NBEA: variants seen among roughly 807,000 people sequenced by gnomAD.
NBEA encodes neurobeachin, also known as lysosomal-trafficking regulator 2.
In NBEA, 44 loss-of-function variants were observed where a neutral mutation model predicts 343.4. The observed-to-expected ratio is 0.13, with a 90% CI of 0.10 to 0.16. NBEA has a LOEUF of 0.16. Among genes scored for constraint, NBEA ranks in the 10% least tolerant of loss-of-function variants. The pLI is 1.00. For missense variants in NBEA, 2,555 were observed against 3,631.3 expected (o/e 0.70, Z 7.62); for synonymous variants, 1,175 against 1,238.7 (o/e 0.95, Z 1.08).
intron 8 of NBEA, among the ~76,000 whole-genome samples, chr13:35,064,961 C>A (rs746012690): frequency 6.6e-6 from 1 of 150,648 alleles, no homozygotes; most frequent in East Asian, 2.0e-4. Flanking sequence ...GCAGACCCAG[C>A]AAGCTAATAC....
At chr13:35,300,314 ACT>A (rs1043133240) in intron 35 of NBEA, among the ~76,000 whole-genome samples, 1 of 152,100 alleles carries the variant, frequency 6.6e-6, no homozygotes, top group Admixed American at 6.6e-5. Context: ...ACAAAGCGAG[ACT>A]CTGTCTCAAA....
intron 1 of NBEA, among the ~76,000 whole-genome samples, chr13:34,967,832 A>G (rs2059873717): frequency 2.0e-5 from 3 of 152,092 alleles, no homozygotes; most frequent in African/African-American, 7.2e-5. Flanking sequence ...TTCAATCCTG[A>G]TACTACATAG....
chr13:35,599,349 C>T (rs765693281), intron 47 of NBEA, among the ~76,000 whole-genome samples: 2 of 152,154 alleles, frequency 1.3e-5, no homozygotes, highest in South Asian at 4.1e-4. Context: ...ATTTATTCAT[C>T]GACAATTATG....
chr13:35,587,436 C>T (rs1022996116), intron 46 of NBEA, among the ~76,000 whole-genome samples: 8 of 152,152 alleles, frequency 5.3e-5, no homozygotes, highest in Non-Finnish European at 8.8e-5. Context: ...CCTCAGGTCC[C>T]GTCAATGACA....
chr13:35,374,169 A>G lies in NBEA; in HGVS notation c.6179+21846A>G, dbSNP rs192328710. On this transcript the variant is annotated intron_variant, in intron 38 of 58. Coordinates refer to ENST00000379939, the MANE Select transcript of NBEA (RefSeq NM_001385012.1). ...TTTTTCACTGGAACAGTTAGATGCCATTAGTTGGGGTTATTAATTGGCCTG... is the reference window on the plus strand; with the variant it reads ...TTTTTCACTGGAACAGTTAGATGCCGTTAGTTGGGGTTATTAATTGGCCTG... 1.9e-3 allele frequency among the ~76,000 whole-genome samples: 290 copies of G among 151,730 alleles called. 1 individual carries two copies. The highest frequency in any genetic ancestry group is 5.6e-3 in the Admixed American group (86 of 15,268).
chr13:35,138,583 C>T (rs2067878893), intron 17 of NBEA, among the ~76,000 whole-genome samples: 2 of 151,826 alleles, frequency 1.3e-5, no homozygotes, highest in Admixed American at 6.6e-5. Context: ...CCTTGGCCTC[C>T]AGAGTAGCTG....
At chr13:35,301,530 A>T (rs1184245294) in intron 35 of NBEA, among the ~76,000 whole-genome samples, 1 of 152,102 alleles carries the variant, frequency 6.6e-6, no homozygotes, top group Non-Finnish European at 1.5e-5. Context: ...GTTCTTTTTT[A>T]TGGCTGCATA....
intron 11 of NBEA, among the ~76,000 whole-genome samples, chr13:35,109,033 A>G (rs1382347173): frequency 6.6e-6 from 1 of 152,126 alleles, no homozygotes; most frequent in Non-Finnish European, 1.5e-5. Context: ...TCTTTAGCTA[A>G]TAGTAGAATT....
intron 40 of NBEA, 68 bp from the exon 41 acceptor site, chr13:35,472,332 A>T: frequency 1.9e-6 from 3 of 1,540,992 alleles, no homozygotes; most frequent in South Asian, 2.4e-5. Context: ...AACCTCTGGT[A>T]CCTTTCTGGG....
intron 18 of NBEA, among the ~76,000 whole-genome samples, chr13:35,149,749 TAG>T (rs927447942): frequency 6.6e-6 from 1 of 152,206 alleles, no homozygotes; most frequent in African/African-American, 2.4e-5. Context: ...TTATCCATAA[TAG>T]AGAGTCTGAG....
At chr13:35,073,465 G>A (rs552441830) in intron 10 of NBEA, among the ~76,000 whole-genome samples, 2 of 152,188 alleles carry the variant, frequency 1.3e-5, no homozygotes, top group Admixed American at 6.5e-5. Flanking sequence ...TCAAATATAA[G>A]TTACTTCTTT....
intron 38 of NBEA, among the ~76,000 whole-genome samples, chr13:35,366,892 G>A (rs2041151646): frequency 6.6e-6 from 1 of 151,254 alleles, no homozygotes; most frequent in African/African-American, 2.4e-5. Context: ...TAAATACTAT[G>A]AGTACTCCCA....
intron 33 of NBEA, among the ~76,000 whole-genome samples, chr13:35,225,682 A>C (rs183521515): frequency 7.9e-5 from 12 of 152,216 alleles, no homozygotes; most frequent in Admixed American, 6.5e-4. Context: ...TTTATTTAAA[A>C]AATTTAGCTG....
At chr13:35,610,042 T>C (rs2153053944) in intron 48 of NBEA, among the ~76,000 whole-genome samples, 1 of 152,356 alleles carries the variant, frequency 6.6e-6, no homozygotes, top group African/African-American at 2.4e-5. Context: ...GCCTCCAGAT[T>C]CGTCCACTGA....
At chr13:35,276,767 C>T (rs985240414) in intron 34 of NBEA, among the ~76,000 whole-genome samples, 1 of 152,108 alleles carries the variant, frequency 6.6e-6, no homozygotes, top group African/African-American at 2.4e-5. Flanking sequence ...TACTGTAGTT[C>T]CTAAATGTGA....
intron 38 of NBEA, among the ~76,000 whole-genome samples, chr13:35,422,670 G>T (rs2044370992): frequency 6.6e-6 from 1 of 152,158 alleles, no homozygotes; most frequent in Admixed American, 6.5e-5. Context: ...ACCCAGTAAT[G>T]GGGTGGCTGG....
intron 17 of NBEA, among the ~76,000 whole-genome samples, chr13:35,132,420 A>G (rs1161507233): frequency 6.6e-6 from 1 of 152,182 alleles, no homozygotes; most frequent in African/African-American, 2.4e-5. Context: ...CCAGCCTCCC[A>G]AAGTGCTGGG....
intron 41 of NBEA, among the ~76,000 whole-genome samples, chr13:35,540,309 T>G (rs895731244): frequency 6.6e-6 from 1 of 152,112 alleles, no homozygotes; most frequent in Admixed American, 6.6e-5. Flanking sequence ...ATATGCAGAA[T>G]AATACATAGA....
intron 31 of NBEA, among the ~76,000 whole-genome samples, chr13:35,208,403 A>C (rs1001487647): frequency 2.6e-5 from 4 of 152,140 alleles, no homozygotes; most frequent in African/African-American, 9.7e-5. Context: ...CTTTAGCACA[A>C]ATTTCTTAAT....
Sources: allele counts gnomAD v4.1 joint callset (sites outside exome capture counted in the v4.1 genomes callset), GRCh38; gene constraint gnomAD v4.1.1; transcripts MANE v1.5; gene names NCBI Gene and HGNC (gene_info 2026-07-23, HGNC 2026-07-21).